BCO2: variants seen among roughly 807,000 people sequenced by gnomAD.
BCO2 encodes carotenoid-cleaving dioxygenase, mitochondrial.
Under a neutral mutation model 65.8 loss-of-function variants are expected in BCO2, and 56 were observed. The ratio of observed to expected loss-of-function variants is 0.85; its 90% CI spans 0.69 to 1.06. The LOEUF is 1.06. Ranked by LOEUF, BCO2 falls within the 50% of genes least tolerant of loss-of-function variation. BCO2 has a pLI of 0.00. For synonymous variants in BCO2, 233 were observed against 242.3 expected (o/e 0.96, Z 0.36); for missense variants, 675 against 698.5 (o/e 0.97, Z 0.38).
At chr11:112,202,219 C>T (rs1867755375) in intron 8 of BCO2, 29 bp downstream of exon 8, 1 of 1,578,052 alleles carries the variant, frequency 6.3e-7, no homozygotes, top group Non-Finnish European at 8.6e-7. Context: ...CAAGAGTCAT[C>T]AAAATAATTT....
intron 9 of BCO2, among the ~76,000 whole-genome samples, chr11:112,214,180 T>C (rs1859591198): frequency 6.6e-6 from 1 of 152,180 alleles, no homozygotes; most frequent in Admixed American, 6.5e-5. Context: ...GGAGTCTTGC[T>C]CTGGCGCCCA....
intron 9 of BCO2, 144 bp downstream of exon 9, chr11:112,214,005 C>G: frequency 3.2e-6 from 2 of 622,620 alleles, no homozygotes; most frequent in Non-Finnish European, 5.1e-6. Context: ...ATCGCTTGCA[C>G]AAGAATTGCA....
rs1472488158 is a variant in BCO2, at chr11:112,200,596, T to C, written c.866-17T>C. On this transcript the variant is annotated splice_polypyrimidine_tract_variant and intron_variant, in intron 6 of 11. Transcript: ENST00000357685. The stretch of plus-strand genomic sequence containing the variant: ...GTTTGCCAAATAACATTTTTATTGT[T>C]TGCTGGAACCTTTTAGGAATGACAA... 3 of 1,586,338 alleles carry C rather than the reference T, an allele frequency of 1.9e-6. No individual in the cohort carries two copies. In the East Asian group the frequency reaches 6.7e-5, roughly 36 times the overall value.
intron 5 of BCO2, among the ~76,000 whole-genome samples, chr11:112,197,806 C>T (rs980800334): frequency 5.3e-5 from 8 of 152,192 alleles, no homozygotes; most frequent in African/African-American, 1.7e-4. Context: ...CTCCTAGACT[C>T]TCCTTCTCGC....
intron 2 of BCO2, among the ~76,000 whole-genome samples, chr11:112,189,087 A>C (rs981230947): frequency 6.6e-6 from 1 of 152,240 alleles, no homozygotes; most frequent in Non-Finnish European, 1.5e-5. Context: ...TGGAGAAGAA[A>C]TAATTGAAGC....
At chr11:112,216,140 A>G (rs982537452) in intron 10 of BCO2, 80 bp from the exon 11 acceptor site, 8 of 929,398 alleles carry the variant, frequency 8.6e-6, no homozygotes, top group African/African-American at 8.1e-5. Flanking sequence ...AGCCAAATTC[A>G]TGCTTGGAGT....
intron 2 of BCO2, chr11:112,181,261 A>G (rs1408359909): frequency 5.1e-6 from 3 of 590,714 alleles, no homozygotes; most frequent in Middle Eastern, 9.3e-4. Flanking sequence ...GGCTCACTGC[A>G]AGCTCCGCCT....
chr11:112,201,253 G>A (rs534987042), intron 7 of BCO2, among the ~76,000 whole-genome samples: 7 of 151,884 alleles, frequency 4.6e-5, no homozygotes, highest in Admixed American at 2.6e-4. Context: ...GTTCAAGTGA[G>A]TCTCCTGCCT....
intron 8 of BCO2, among the ~76,000 whole-genome samples, chr11:112,203,645 A>ACC (rs1184950988): frequency 1.3e-5 from 2 of 152,220 alleles, no homozygotes; most frequent in Admixed American, 1.3e-4. Flanking sequence ...CTGATAGAAT[A>ACC]CAATCTTATT....
chr11:112,215,517 T>C (rs1243203577), intron 10 of BCO2: 1 of 155,120 alleles, frequency 6.4e-6, no homozygotes, highest in East Asian at 1.9e-4. Flanking sequence ...AAGACCATCC[T>C]GGCCAACACG....
Position 112,175,690 on chromosome 11 carries a change from G to C in BCO2, c.88+1G>C. 2.5e-6 allele frequency: 4 copies of C among 1,611,830 alleles called. No individual in the cohort carries two copies. Among genetic ancestry groups the C allele is most frequent in the Non-Finnish European group, 3.4e-6 (4 of 1,177,924 alleles). On this transcript the variant is annotated splice_donor_variant, in intron 1 of 11. Coordinates refer to ENST00000357685, the MANE Select transcript of BCO2 (RefSeq NM_031938.7). LOFTEE classifies it high-confidence loss of function. ...CCTGTGATGGTGCACCGGCTCCCAGGTAGAGGGTTTGCCCCTTTCTCTTCC... is the reference window on the plus strand; with the variant it reads ...CCTGTGATGGTGCACCGGCTCCCAGCTAGAGGGTTTGCCCCTTTCTCTTCC...
chr11:112,176,006 C>G (rs1866871075), intron 1 of BCO2: 1 of 231,842 alleles, frequency 4.3e-6, no homozygotes, highest in Admixed American at 5.0e-5. Context: ...ATTGAAAAAT[C>G]ACTGCCACAC....
chr11:112,199,606 C>T, intron 5 of BCO2, 93 bp from the exon 6 acceptor site: 1 of 1,142,960 alleles, frequency 8.7e-7, no homozygotes, highest in Admixed American at 2.2e-5. Flanking sequence ...GCATAAATCT[C>T]TTAATTGCTT....
At chr11:112,186,861 T>C (rs991744559) in intron 2 of BCO2, among the ~76,000 whole-genome samples, 1 of 152,078 alleles carries the variant, frequency 6.6e-6, no homozygotes, top group African/African-American at 2.4e-5. Context: ...GTAAAAAGAA[T>C]AAAGTTACAT....
intron 11 of BCO2, among the ~76,000 whole-genome samples, chr11:112,216,582 A>G (rs1859684634): frequency 6.6e-6 from 1 of 152,254 alleles, no homozygotes; most frequent in Admixed American, 6.5e-5. Context: ...ATATTTAGTT[A>G]TCAAAACAAC....
chr11:112,185,702 G>A (rs571689339), intron 2 of BCO2, among the ~76,000 whole-genome samples: 18 of 152,144 alleles, frequency 1.2e-4, no homozygotes, highest in African/African-American at 4.3e-4. Flanking sequence ...AAGTCTGAAC[G>A]ATCATTATTT....
Position 112,218,612 on chromosome 11 carries a change from G to T in BCO2, c.*738G>T. 4.6e-6 allele frequency: 1 copy of T among 217,910 alleles called. No individual in the cohort carries two copies. The highest frequency in any genetic ancestry group is 7.8e-5 in the South Asian group (1 of 12,802). 13.5% of individuals were successfully genotyped at this position (217,910 alleles called of 1,614,324 possible). A position where few individuals can be genotyped will look rare whatever the true frequency, so the allele number is the denominator to read the frequency against. ...TGGGTAGGCCTCTGTAAAACTGAGA[G>T]GGAAACCCCCGAAAAGTGGTTGGCT... is the stretch of plus-strand genomic sequence containing the variant. On this transcript the variant is annotated 3_prime_UTR_variant, in exon 12 of 12. Transcript: ENST00000357685.
chr11:112,199,950 T>C, intron 6 of BCO2, 123 bp downstream of exon 6: 1 of 1,136,204 alleles, frequency 8.8e-7, no homozygotes, highest in Non-Finnish European at 1.2e-6. Flanking sequence ...AGACCAAGGT[T>C]GCATTTTGAT....
intron 10 of BCO2, chr11:112,215,851 G>A (rs189691889): frequency 5.1e-6 from 1 of 196,824 alleles, no homozygotes; most frequent in Non-Finnish European, 1.0e-5. Flanking sequence ...GCCTCAGAAA[G>A]CTTAGAATCA....
Sources: gnomAD v4.1 joint callset for allele counts (sites outside exome capture counted in the v4.1 genomes callset) on GRCh38, gnomAD v4.1.1 for gene constraint, MANE v1.5 for transcripts, NCBI Gene and HGNC (gene_info 2026-07-23, HGNC 2026-07-21) for gene names.